SACS: variants seen among roughly 807,000 people sequenced by gnomAD.
SACS encodes sacsin molecular chaperone, also known as sacsin.
In SACS, 197 loss-of-function variants were observed where a neutral mutation model predicts 348.0. That is an observed-to-expected ratio of 0.57 (90% CI 0.50 to 0.64). The LOEUF is 0.64. SACS is among the 30% of genes least tolerant of loss of function. The pLI is 0.00. For missense variants in SACS, 4,999 were observed against 5,360.8 expected, an observed-to-expected ratio of 0.93 and a Z score of 2.11; for synonymous variants, 1,985 against 1,910.6, an observed-to-expected ratio of 1.04 and a Z score of -1.02.
intron 3 of SACS, among the ~76,000 whole-genome samples, chr13:23,372,152 G>C (rs910387139): frequency 6.6e-6 from 1 of 152,158 alleles, no homozygotes; most frequent in Non-Finnish European, 1.5e-5. Context: ...GAGTGAACTA[G>C]TTTTTATAGG....
intron 6 of SACS, among the ~76,000 whole-genome samples, chr13:23,361,258 G>A (rs968661946): frequency 2.6e-5 from 4 of 152,140 alleles, no homozygotes; most frequent in African/African-American, 7.2e-5. Context: ...ACGAGAAGTC[G>A]GGGGCAGGAA....
At chr13:23,360,258 A>G (rs1364989736) in intron 6 of SACS, among the ~76,000 whole-genome samples, 1 of 152,168 alleles carries the variant, frequency 6.6e-6, no homozygotes, top group Non-Finnish European at 1.5e-5. Context: ...TTTATGTAAT[A>G]TATAATTTTA....
chr13:23,430,782 T>A (rs1019632085), intron 1 of SACS, among the ~76,000 whole-genome samples: 3 of 152,210 alleles, frequency 2.0e-5, no homozygotes, highest in African/African-American at 7.2e-5. Context: ...GACAAACTCA[T>A]GGTGTAATCT....
Position 23,336,098 on chromosome 13 carries a change from T to C in SACS, c.7778A>G (p.Asn2593Ser). ...LQGPALCVYNNQPFTEDDVRG... is the reference protein window; with the variant it reads ...LQGPALCVYNSQPFTEDDVRG... Reference sequence around the variant, plus strand: ...AACATCATCTTCTGTAAATGGCTGGTTGTTGTACACACAAAGTGCTGGCCC... The same window carrying C: ...AACATCATCTTCTGTAAATGGCTGGCTGTTGTACACACAAAGTGCTGGCCC... The change falls in exon 10 of 10, where the codon AAC becomes AGC. Residue 2593 changes from asparagine to serine, a missense_variant. Around this residue, in one of 6 missense-constraint regions of SACS, gnomAD observed 3,156 missense variants for 3,380.1 expected, o/e 0.93. Transcript: ENST00000382292. The C allele has an allele frequency of 6.2e-7, 1 of 1,611,488 alleles. No homozygotes were observed. Among genetic ancestry groups the C allele is most frequent in the South Asian group, 1.1e-5 (1 of 90,898 alleles).
In SACS at chr13:23,335,599, T is replaced by C. The variant is rs964594403; in HGVS notation, c.8277A>G (p.Leu2759=). The change falls in exon 10 of 10, where the codon CTA becomes CTG. Residue 2759 remains leucine (L), a synonymous_variant. Coordinates refer to ENST00000382292, the MANE Select transcript of SACS (RefSeq NM_014363.6). The surrounding 1 kb of genome is among the most constrained non-coding windows in gnomAD (Gnocchi z 4.7). ...ICEIDKSTGA[L]NVLYSVKGKI... ...TGCCCTTTACTGAATACAGCACATT[T>C]AGAGCTCCAGTACTCTTATCTATTT... The C allele has an allele frequency of 6.2e-7, 1 of 1,613,950 alleles. No individual in the cohort carries two copies. The highest frequency in any genetic ancestry group is 8.5e-7 in the Non-Finnish European group (1 of 1,179,890).
chr13:23,413,207 A>G (rs1056545735), intron 1 of SACS, among the ~76,000 whole-genome samples: 8 of 152,062 alleles, frequency 5.3e-5, no homozygotes, highest in African/African-American at 9.7e-5. Flanking sequence ...TGAACTCTCA[A>G]TCTCAGGTGA....
intron 9 of SACS, among the ~76,000 whole-genome samples, chr13:23,345,396 C>T (rs537951520): frequency 5.1e-4 from 78 of 152,354 alleles, no homozygotes; most frequent in African/African-American, 1.8e-3. Context: ...AGCAGTGGCA[C>T]TGCAGGTCCC....
intron 2 of SACS, among the ~76,000 whole-genome samples, chr13:23,394,287 T>C (rs1435963583): frequency 2.0e-5 from 3 of 152,180 alleles, no homozygotes; most frequent in Non-Finnish European, 2.9e-5. Flanking sequence ...TAAGTCAGTT[T>C]AGCAAGACTC....
In SACS at chr13:23,331,551, C is replaced by T. The variant is rs1254620361; in HGVS notation, c.12325G>A (p.Ala4109Thr). Reference sequence around the variant, plus strand: ...GTGTCAGAAATCAAATTGTCAGTTGCTGATTTAAGAGTCATTGCCAATGCT... The same window carrying T: ...GTGTCAGAAATCAAATTGTCAGTTGTTGATTTAAGAGTCATTGCCAATGCT... ...LLALAMTLKS[A>T]TDNLISDTSY... Residue 4109 changes from alanine (A) to threonine (T), a missense_variant, in exon 10 of 10, where the codon GCA (alanine) becomes ACA (threonine). Physicochemically the swap from Ala to Thr is moderately conservative, Grantham distance 58. Around this residue, in one of 6 missense-constraint regions of SACS, gnomAD observed 831 missense variants for 941.8 expected, o/e 0.88. Transcript: ENST00000382292. 6.2e-7 allele frequency: 1 copy of T among 1,613,692 alleles called. No homozygotes were observed. The highest frequency in any genetic ancestry group is 2.2e-5 in the East Asian group (1 of 44,868).
chr13:23,402,335 A>G lies in SACS; in HGVS notation c.20+8885T>C, dbSNP rs28583829. ...TTTTTGTTTGGAATATTGCTGTTGG[A>G]TTTAAGAAATTCCTTTTCTGTTAAG... On this transcript the variant is annotated intron_variant, in intron 2 of 9. Transcript: ENST00000382292. Among the ~76,000 whole-genome samples the G allele has an allele frequency of 9.6e-3, 1,466 of 152,284 alleles. 22 individuals carry two copies. The highest frequency in any genetic ancestry group is 0.033 in the African/African-American group (1,387 of 41,568).
Position 23,329,037 on chromosome 13 carries a change from AAACT to A in SACS, c.*1095_*1098del, listed in dbSNP as rs760063852. The A allele has an allele frequency of 5.9e-6, 1 of 169,778 alleles. No individual in the cohort carries two copies. Among genetic ancestry groups the A allele is most frequent in the Non-Finnish European group, 1.2e-5 (1 of 80,188 alleles). The allele number at this position is 169,778 out of a possible 1,614,324, so 10.5% of individuals were successfully genotyped here. Reference sequence around the variant, plus strand: ...TCATTTACAGCCAGTACACTTATATAAACTAATTATCATTACCTTTTACATTCTG... The same window carrying A: ...TCATTTACAGCCAGTACACTTATATAAATTATCATTACCTTTTACATTCTG... On this transcript the variant is annotated 3_prime_UTR_variant, in exon 10 of 10. Coordinates refer to ENST00000382292, the MANE Select transcript of SACS (RefSeq NM_014363.6).
At chr13:23,405,110 T>C (rs112992379) in intron 2 of SACS, among the ~76,000 whole-genome samples, 1,647 of 152,218 alleles carry the variant, frequency 0.011, 24 homozygotes, top group African/African-American at 0.038. Flanking sequence ...CAAGATAATC[T>C]TAAGCAAAAA....
intron 2 of SACS, among the ~76,000 whole-genome samples, chr13:23,378,292 A>G (rs751718912): frequency 1.7e-4 from 26 of 152,180 alleles, no homozygotes; most frequent in Non-Finnish European, 3.7e-4. Flanking sequence ...TCACGCTTAC[A>G]TAAGTCAGTG....
At chr13:23,384,803 G>A (rs1172368856) in intron 2 of SACS, among the ~76,000 whole-genome samples, 1 of 152,040 alleles carries the variant, frequency 6.6e-6, no homozygotes, top group East Asian at 1.9e-4. Context: ...TTTGGCACAG[G>A]AATACCTCAG....
chr13:23,354,144 C>T (rs1430021082), intron 8 of SACS, among the ~76,000 whole-genome samples: 5 of 152,128 alleles, frequency 3.3e-5, no homozygotes, highest in Admixed American at 6.5e-5. Context: ...AATGTCAGTA[C>T]ACTCTCGTTT....
At chr13:23,349,907 G>A (rs1324449379) in intron 9 of SACS, among the ~76,000 whole-genome samples, 2 of 152,178 alleles carry the variant, frequency 1.3e-5, no homozygotes, top group African/African-American at 4.8e-5. Flanking sequence ...GAAGACTAGG[G>A]TGGTGACTGA....
At chr13:23,400,746 A>G (rs1872939973) in intron 2 of SACS, among the ~76,000 whole-genome samples, 1 of 152,194 alleles carries the variant, frequency 6.6e-6, no homozygotes, top group Non-Finnish European at 1.5e-5. Context: ...TAGGTAGCTA[A>G]GCATTGTTTC....
chr13:23,375,496 C>A (rs1871719307), intron 2 of SACS: 5 of 1,138,718 alleles, frequency 4.4e-6, no homozygotes, highest in South Asian at 8.8e-5. Context: ...CGCAGCAGCC[C>A]GCGCCGAGGA....
chr13:23,328,848 C>T lies in SACS; in HGVS notation c.*1288G>A, dbSNP rs1883298763. 1 of 152,480 alleles carries T rather than the reference C, an allele frequency of 6.6e-6. No homozygotes were observed. Among genetic ancestry groups the T allele is most frequent in the Non-Finnish European group, 1.5e-5 (1 of 68,022 alleles). The allele number at this position is 152,480 out of a possible 1,614,324, so 9.4% of individuals were successfully genotyped here. A position where few individuals can be genotyped will look rare whatever the true frequency, so the allele number is the denominator to read the frequency against. On this transcript the variant is annotated 3_prime_UTR_variant, in exon 10 of 10. Transcript: ENST00000382292. Reference sequence around the variant, plus strand: ...ACGATGATTTCATATGTACATTTTCCTTTATTAAAAGTATGGCACTTTATA... The same window carrying T: ...ACGATGATTTCATATGTACATTTTCTTTTATTAAAAGTATGGCACTTTATA...
Sources: allele counts gnomAD v4.1 joint callset (sites outside exome capture counted in the v4.1 genomes callset), GRCh38; gene constraint gnomAD v4.1.1; regional missense constraint gnomAD v4.1.1; non-coding constraint Gnocchi (gnomAD v3.1); transcripts MANE v1.5; gene names NCBI Gene and HGNC (gene_info 2026-07-23, HGNC 2026-07-21).